ADGRG5: variants seen among roughly 807,000 people sequenced by gnomAD.
ADGRG5 encodes the protein adhesion G protein-coupled receptor G5.
Under a neutral mutation model 53.2 loss-of-function variants are expected in ADGRG5, and 37 were observed. The observed-to-expected ratio is 0.70, with a 90% CI of 0.53 to 0.91. The LOEUF is 0.91. Ranked by LOEUF, ADGRG5 falls within the 40% of genes least tolerant of loss-of-function variation. ADGRG5 has a pLI of 0.00. For synonymous variants in ADGRG5, 277 were observed against 290.4 expected (o/e 0.95, Z 0.47); for missense variants, 614 against 675.8 (o/e 0.91, Z 1.01).
chr16:57,550,582 C>T (rs565327076), intron 1 of ADGRG5, among the ~76,000 whole-genome samples: 2 of 152,194 alleles, frequency 1.3e-5, no homozygotes, highest in African/African-American at 4.8e-5. Flanking sequence ...CTTTGCATAA[C>T]CTAAGTCAGA....
Position 57,563,263 on chromosome 16 carries a change from T to C in ADGRG5, c.297+16T>C, listed in dbSNP as rs748629589. ...GGTGCCCCAGGTCAGAGGCTGCGGG[T>C]TGGGGGGTGTGGCCAGCTGCCCCGC... On this transcript the variant is annotated intron_variant, in intron 4 of 11. Transcript: ENST00000349457. The C allele has an allele frequency of 1.6e-4, 254 of 1,611,652 alleles. No individual in the cohort carries two copies. The highest frequency in any genetic ancestry group is 2.1e-4 in the Non-Finnish European group (245 of 1,179,218).
intron 10 of ADGRG5, among the ~76,000 whole-genome samples, chr16:57,572,317 T>C (rs2033385564): frequency 6.6e-6 from 1 of 151,728 alleles, no homozygotes; most frequent in Admixed American, 6.6e-5. Context: ...CTATTAAAAA[T>C]ACAAAAAATT....
intron 1 of ADGRG5, among the ~76,000 whole-genome samples, chr16:57,560,634 C>A (rs1220364498): frequency 6.6e-6 from 1 of 152,158 alleles, no homozygotes; most frequent in Non-Finnish European, 1.5e-5. Context: ...GATTATGGTG[C>A]ATCCTCTCTC....
chr16:57,547,508 G>A (rs533027167), intron 1 of ADGRG5, among the ~76,000 whole-genome samples: 163 of 152,174 alleles, frequency 1.1e-3, no homozygotes, highest in African/African-American at 3.3e-3. Flanking sequence ...GCAGTGGCGC[G>A]ATCTCGGCTC....
the ADGRG5 span, chr16:57,529,274 G>A: frequency 9.0e-7 from 1 of 1,117,250 alleles, no homozygotes; most frequent in Non-Finnish European, 1.1e-6. The surrounding 1 kb of genome is among the most constrained non-coding windows in gnomAD (Gnocchi z 4.1). Context: ...GCATGATGAC[G>A]CCGTGCCCCG....
intron 1 of ADGRG5, among the ~76,000 whole-genome samples, chr16:57,553,905 C>T (rs181717424): frequency 4.1e-4 from 62 of 152,160 alleles, no homozygotes; most frequent in African/African-American, 1.3e-3. Context: ...CTTATTTTGT[C>T]TTCCATTTTT....
intron 6 of ADGRG5, 161 bp from the exon 7 acceptor site, chr16:57,566,438 G>A (rs139711232): frequency 0.024 from 13,115 of 556,924 alleles, 209 homozygotes; most frequent in Non-Finnish European, 0.03. Flanking sequence ...CACAGTGGAG[G>A]TGGGACAGGA....
Position 57,545,584 on chromosome 16 carries a change from C to T in ADGRG5, c.-39+2883C>T, listed in dbSNP as rs76128736. ...GTGCCCCAGTTGATACAATAAGTTGCATACTCTACAAACTATTCTGCATTT... is the reference window on the plus strand; with the variant it reads ...GTGCCCCAGTTGATACAATAAGTTGTATACTCTACAAACTATTCTGCATTT... On this transcript the variant is annotated intron_variant, in intron 1 of 11. Coordinates refer to ENST00000349457, the MANE Select transcript of ADGRG5 (RefSeq NM_001304376.3). Among the ~76,000 whole-genome samples, 1,344 of 152,310 alleles carry T rather than the reference C, an allele frequency of 8.8e-3. 21 individuals carry two copies. The highest frequency in any genetic ancestry group is 0.031 in the African/African-American group (1,272 of 41,580).
intron 1 of ADGRG5, among the ~76,000 whole-genome samples, chr16:57,552,000 C>T (rs1477912703): frequency 1.3e-5 from 2 of 151,042 alleles, no homozygotes; most frequent in African/African-American, 2.4e-5. Flanking sequence ...GGTACATTGT[C>T]GATGAGCAGA....
intron 1 of ADGRG5, among the ~76,000 whole-genome samples, chr16:57,548,199 A>G (rs1193835985): frequency 4.0e-5 from 6 of 150,252 alleles, no homozygotes; most frequent in Non-Finnish European, 7.4e-5. Context: ...TTTTTAAAGA[A>G]TACACATAAT....
intron 1 of ADGRG5, among the ~76,000 whole-genome samples, chr16:57,561,253 A>G (rs1394513652): frequency 1.3e-5 from 2 of 152,240 alleles, no homozygotes; most frequent in African/African-American, 4.8e-5. Flanking sequence ...ACGTCTTACC[A>G]GGTGCCACCT....
At position 57,556,908 on chromosome 16, in the gene ADGRG5, C is replaced by CTTTTTTTTTTT. The variant is rs35948606; in HGVS notation, c.-38-5139_-38-5129dup. On this transcript the variant is annotated intron_variant, in intron 1 of 11. Transcript: ENST00000349457. Reference sequence around the variant, plus strand: ...GAAGAAGTTCTTATTTTGCCTTCTTCTTTTTTTTTTTTTTTTTTTGAGACA... The same window carrying CTTTTTTTTTTT: ...GAAGAAGTTCTTATTTTGCCTTCTTCTTTTTTTTTTTTTTTTTTTTTTTTTTTTTTGAGACA... Among the ~76,000 whole-genome samples, 1,118 of 115,590 alleles carry CTTTTTTTTTTT rather than the reference C, an allele frequency of 9.7e-3. 65 individuals are homozygous for CTTTTTTTTTTT. Among genetic ancestry groups the CTTTTTTTTTTT allele is most frequent in the African/African-American group, 0.037 (1,005 of 27,304 alleles). 75.8% of individuals were successfully genotyped at this position (115,590 alleles called of 152,430 possible). A position where few individuals can be genotyped will look rare whatever the true frequency, so the allele number is the denominator to read the frequency against.
Position 57,575,551 on chromosome 16 carries a change from G to A in ADGRG5, c.*13G>A. 1 of 1,606,288 alleles carries A rather than the reference G, an allele frequency of 6.2e-7. No homozygotes were observed. The highest frequency in any genetic ancestry group is 8.5e-7 in the Non-Finnish European group (1 of 1,173,014). On this transcript the variant is annotated 3_prime_UTR_variant, in exon 12 of 12. Transcript: ENST00000349457. ...AACAACACAGTAGTCCGGGCCTCCT[G>A]GCCTGGAATCCTCAGCCTCTCTGGC...
the ADGRG5 span, chr16:57,529,195 C>T: frequency 8.5e-7 from 1 of 1,175,796 alleles, no homozygotes; most frequent in Non-Finnish European, 1.1e-6. The surrounding 1 kb of genome is among the most constrained non-coding windows in gnomAD (Gnocchi z 4.1). Context: ...CCGGGCGGGC[C>T]CTGAGCTCGA....
the ADGRG5 span, among the ~76,000 whole-genome samples, chr16:57,530,480 A>G: frequency 6.6e-6 from 1 of 152,094 alleles, no homozygotes; most frequent in Non-Finnish European, 1.5e-5. Flanking sequence ...TGATCAGTGT[A>G]CTGTCGGTGG....
At chr16:57,575,225 A>T in intron 11 of ADGRG5, 133 bp downstream of exon 11, 7 of 1,072,120 alleles carry the variant, frequency 6.5e-6, no homozygotes, top group Non-Finnish European at 9.4e-6. Flanking sequence ...TCCACTAGCT[A>T]AGCTGGTGGG....
At chr16:57,529,249 G>A in the ADGRG5 span, 1 of 1,127,386 alleles carries the variant, frequency 8.9e-7, no homozygotes, top group Non-Finnish European at 1.1e-6. The surrounding 1 kb of genome is among the most constrained non-coding windows in gnomAD (Gnocchi z 4.1). Flanking sequence ...CGCGCGGCGG[G>A]CGCGATACAA....
intron 11 of ADGRG5, 64 bp downstream of exon 11, chr16:57,575,156 C>T: frequency 6.5e-7 from 1 of 1,546,612 alleles, no homozygotes; most frequent in Non-Finnish European, 8.8e-7. Context: ...GTGGGATGTT[C>T]ACTGCTAAAG....
the ADGRG5 span, among the ~76,000 whole-genome samples, chr16:57,532,698 GACAC>G: frequency 0.67 from 98,677 of 148,044 alleles, 33,515 homozygotes; most frequent in Non-Finnish European, 0.75. Flanking sequence ...AAGTGAAGCA[GACAC>G]ACACACACAC....
Sources: allele counts gnomAD v4.1 joint callset (sites outside exome capture counted in the v4.1 genomes callset), GRCh38; gene constraint gnomAD v4.1.1; non-coding constraint Gnocchi (gnomAD v3.1); transcripts MANE v1.5; gene names NCBI Gene and HGNC (gene_info 2026-07-23, HGNC 2026-07-21).